The following PREX1 variants were observed in gnomAD, a reference collection of about 807,000 sequenced individuals.
PREX1 encodes phosphatidylinositol-3,4,5-trisphosphate dependent Rac exchange factor 1.
In PREX1, 41 loss-of-function variants were observed where a neutral mutation model predicts 198.3. That is an observed-to-expected ratio of 0.21 (90% CI 0.16 to 0.27). The LOEUF (loss-of-function observed/expected upper bound fraction) is 0.27. Among genes scored for constraint, PREX1 ranks in the 10% least tolerant of loss-of-function variants. The pLI is 1.00. For synonymous variants in PREX1, 843 were observed against 887.2 expected (o/e 0.95, Z 0.89); for missense variants, 1,620 against 2,200.7 (o/e 0.74, Z 5.28).
chr20:48,627,562 G>A lies in PREX1; in HGVS notation c.4923C>T (p.Pro1641=). ...AKNLRVKDQM[P]QGAPRLYRLC... Reference sequence around the variant, plus strand: ...CAGCCACTCACCGCGGAGCACCCTGGGGCATCTGGTCCTTGACTCGCAGGT... The same window carrying A: ...CAGCCACTCACCGCGGAGCACCCTGAGGCATCTGGTCCTTGACTCGCAGGT... The change falls in exon 39 of 40, where the codon CCC becomes CCT. Residue 1641 remains proline, a synonymous_variant. Transcript: ENST00000371941. 1 of 1,613,962 alleles carries A rather than the reference G, an allele frequency of 6.2e-7. No individual in the cohort carries two copies. Among genetic ancestry groups the A allele is most frequent in the Non-Finnish European group, 8.5e-7 (1 of 1,179,972 alleles).
chr20:48,639,900 G>GCT lies in PREX1; in HGVS notation c.3776-7_3776-6insAG. The GCT allele has an allele frequency of 6.2e-7, 1 of 1,613,778 alleles. No homozygotes were observed. The highest frequency in any genetic ancestry group is 8.5e-7 in the Non-Finnish European group (1 of 1,179,784). On this transcript the variant is annotated splice_region_variant and splice_polypyrimidine_tract_variant and intron_variant, in intron 29 of 39. Transcript: ENST00000371941. ...CTCTTCTTTCTGTTTAAACTCTGGG[G>GCT]CAGGAAAGTGGCATGAGGGCCAGGG...
intron 1 of PREX1, among the ~76,000 whole-genome samples, chr20:48,764,802 G>GA (rs2090200913): frequency 1.4e-5 from 2 of 140,154 alleles, no homozygotes; most frequent in Non-Finnish European, 3.1e-5. Flanking sequence ...AAAAAAGAAA[G>GA]AAAGAAAGAA....
At chr20:48,652,770 C>G in intron 20 of PREX1, 64 bp from the exon 21 acceptor site, 1 of 1,542,860 alleles carries the variant, frequency 6.5e-7, no homozygotes, top group Non-Finnish European at 8.8e-7. Context: ...GGGACAGGGC[C>G]GAGGTGTGAA....
intron 3 of PREX1, among the ~76,000 whole-genome samples, chr20:48,738,147 T>C (rs376364339): frequency 1.7e-4 from 26 of 152,234 alleles, no homozygotes; most frequent in African/African-American, 6.0e-4. Flanking sequence ...ACAAATCGGT[T>C]TCTTCCCACA....
In PREX1 at chr20:48,629,425, C is replaced by G. The variant is rs200709831; in HGVS notation, c.4766+24G>C. On this transcript the variant is annotated intron_variant, in intron 37 of 39. Coordinates refer to ENST00000371941, the MANE Select transcript of PREX1 (RefSeq NM_020820.4). ...AGCTAGGCCAGCCCCTCCCCACACC[C>G]CGACTCAGCGGGCAGCAGCTCACCT... 710 of 1,607,712 alleles carry G rather than the reference C, an allele frequency of 4.4e-4. 5 individuals carry two copies. The African/African-American group carries it at 8.7e-3, about 20-fold the overall frequency.
rs576619785 is a variant in PREX1, at chr20:48,624,306, G to A, written c.*1579C>T. ...ATAAAAAATCTATCAAGAATTTAAC[G>A]AGAAGAATCTGTACATTTTAAAGTA... On this transcript the variant is annotated 3_prime_UTR_variant, in exon 40 of 40. Coordinates refer to ENST00000371941, the MANE Select transcript of PREX1 (RefSeq NM_020820.4). 5.3e-5 allele frequency: 8 copies of A among 151,988 alleles called. No individual in the cohort carries two copies. In the East Asian group the frequency reaches 1.2e-3, roughly 22 times the overall value. The allele number at this position is 151,988 out of a possible 1,614,324, so 9.4% of individuals were successfully genotyped here.
At chr20:48,714,825 T>A (rs1436802739) in intron 5 of PREX1, among the ~76,000 whole-genome samples, 1 of 152,196 alleles carries the variant, frequency 6.6e-6, no homozygotes, top group African/African-American at 2.4e-5. Flanking sequence ...AGTTTTTCCA[T>A]CTCTTATTTG....
intron 5 of PREX1, among the ~76,000 whole-genome samples, chr20:48,709,343 G>A (rs1264366566): frequency 6.6e-6 from 1 of 152,296 alleles, no homozygotes; most frequent in South Asian, 2.1e-4. Context: ...CGACGATCCA[G>A]ATAACATCCC....
chr20:48,704,314 C>G (rs994046485), intron 6 of PREX1, among the ~76,000 whole-genome samples: 4 of 152,238 alleles, frequency 2.6e-5, no homozygotes, highest in Non-Finnish European at 5.9e-5. Flanking sequence ...GAGCAGGAGT[C>G]TCCAAGGGGA....
the PREX1 span, among the ~76,000 whole-genome samples, chr20:48,850,992 T>C: frequency 6.6e-6 from 1 of 152,202 alleles, no homozygotes; most frequent in Non-Finnish European, 1.5e-5. Flanking sequence ...AAAAGAAGAC[T>C]ATTTCGTGAC....
chr20:48,747,891 G>C lies in PREX1; in HGVS notation c.220-11C>G. On this transcript the variant is annotated splice_polypyrimidine_tract_variant and intron_variant, in intron 1 of 39. Transcript: ENST00000371941. ...GCGATGCAGGAATGCCTGGAGGAGA[G>C]AAGCAGAGAGAGGTGAGTGTCCGCG... The C allele has an allele frequency of 1.2e-6, 2 of 1,610,046 alleles. No individual in the cohort carries two copies. The highest frequency in any genetic ancestry group is 1.7e-6 in the Non-Finnish European group (2 of 1,177,648).
chr20:48,651,513 C>G lies in PREX1; in HGVS notation c.2538G>C (p.Val846=). 1 of 1,614,230 alleles carries G rather than the reference C, an allele frequency of 6.2e-7. No individual in the cohort carries two copies. Among genetic ancestry groups the G allele is most frequent in the Non-Finnish European group, 8.5e-7 (1 of 1,180,040 alleles). ...CGCCGTGTTCCAGGTGCACGTTGTC[C>G]ACAGTCAGGGTGACCATGGGGCTGT... is the stretch of plus-strand genomic sequence containing the variant. ...CEDSPMVTLT[V]DNVHLEHGVV... is the part of the protein sequence containing the mutation. Residue 846 remains valine (V), a synonymous_variant, in exon 22 of 40, where the codon GTG becomes GTC. Transcript: ENST00000371941.
At chr20:48,806,750 A>G (rs929382498) in intron 1 of PREX1, among the ~76,000 whole-genome samples, 2 of 152,238 alleles carry the variant, frequency 1.3e-5, no homozygotes, top group African/African-American at 4.8e-5. Context: ...AGCAACAAGC[A>G]TTTAATGAGC....
At chr20:48,786,217 G>A (rs949693199) in intron 1 of PREX1, among the ~76,000 whole-genome samples, 1 of 152,134 alleles carries the variant, frequency 6.6e-6, no homozygotes, top group Non-Finnish European at 1.5e-5. Flanking sequence ...TGGGGGCGGG[G>A]GGTGGTAAGC....
the PREX1 span, among the ~76,000 whole-genome samples, chr20:48,874,743 G>A: frequency 6.6e-6 from 1 of 152,092 alleles, no homozygotes; most frequent in Non-Finnish European, 1.5e-5. Context: ...TGGGCATGGT[G>A]ACACACGGCT....
In PREX1 at chr20:48,653,417, C is replaced by A. The variant is rs2089516815; in HGVS notation, c.2290G>T (p.Ala764Ser). 1.2e-6 allele frequency: 2 copies of A among 1,613,982 alleles called. No homozygotes were observed. The highest frequency in any genetic ancestry group is 2.7e-5 in the African/African-American group (2 of 75,052). The change falls in exon 20 of 40, where the codon GCC becomes TCC. Residue 764 changes from alanine (A) to serine (S), a missense_variant. By Grantham distance (99) the Ala-to-Ser change is moderately conservative. Around this residue, in one of 7 missense-constraint regions of PREX1, gnomAD observed 514 missense variants for 611.6 expected, o/e 0.84. Coordinates refer to ENST00000371941, the MANE Select transcript of PREX1 (RefSeq NM_020820.4). ...VNGSNVMNDG[A>S]PEVLEHFQAF... The stretch of plus-strand genomic sequence containing the variant: ...TGGAAGTGCTCCAGGACCTCAGGGG[C>A]ACCATCGTTCATCACGTTGCTGCCA...
chr20:48,783,570 G>T (rs2090299498), intron 1 of PREX1, among the ~76,000 whole-genome samples: 1 of 152,154 alleles, frequency 6.6e-6, no homozygotes, highest in South Asian at 2.1e-4. Flanking sequence ...CCACAGGTGG[G>T]GGCTGGCACC....
At position 48,652,338 on chromosome 20, in the gene PREX1, G is replaced by A. The variant is rs946571357; in HGVS notation, c.2467+248C>T. ...ACACGCTTGTGATCCTGGCTACTCC[G>A]GAGGCTGAGGTGGATCACTTGAACC... On this transcript the variant is annotated intron_variant, in intron 21 of 39. Transcript: ENST00000371941. Among the ~76,000 whole-genome samples the A allele has an allele frequency of 5.3e-5, 8 of 152,188 alleles. No individual in the cohort carries two copies. The South Asian group carries it at 8.3e-4, about 16-fold the overall frequency.
chr20:48,836,730 C>A, the PREX1 span, among the ~76,000 whole-genome samples: 1 of 151,990 alleles, frequency 6.6e-6, no homozygotes, highest in African/African-American at 2.4e-5. Flanking sequence ...ACCTGGTCAA[C>A]CTGGCAAAAC....
Sources: gnomAD v4.1 joint callset for allele counts (sites outside exome capture counted in the v4.1 genomes callset) on GRCh38, gnomAD v4.1.1 for gene constraint, gnomAD v4.1.1 regional missense constraint, MANE v1.5 for transcripts, NCBI Gene and HGNC (gene_info 2026-07-23, HGNC 2026-07-21) for gene names.